Variants in HPSE2 observed in about 807,000 individuals in gnomAD.
The protein encoded by HPSE2 is inactive heparanase-2.
HPSE2 carries 38 observed loss-of-function variants against 60.5 expected under a neutral mutation model. That is an observed-to-expected ratio of 0.63 (90% CI 0.48 to 0.82). HPSE2 has a LOEUF of 0.82. HPSE2 is among the 40% of genes least tolerant of loss of function. HPSE2 has a pLI of 0.00. For missense variants in HPSE2, 713 were observed against 740.4 expected (o/e 0.96, Z 0.43); for synonymous variants, 295 against 293.2 (o/e 1.01, Z -0.06).
chr10:98,926,663 A>C (rs1198224628), intron 3 of HPSE2, among the ~76,000 whole-genome samples: 2 of 152,168 alleles, frequency 1.3e-5, no homozygotes, highest in East Asian at 3.9e-4. Context: ...GGCACCAATA[A>C]ATAAGCATGA....
rs369764256 is a variant in HPSE2 at position 98,484,521 on chromosome 10, G to C, written c.1467-1739C>G. Reference sequence around the variant, plus strand: ...CAAAGGGCTGGGATTACAGGCGTTAGACACCATGCCCGGACACCTTTGCCT... The same window carrying C: ...CAAAGGGCTGGGATTACAGGCGTTACACACCATGCCCGGACACCTTTGCCT... On this transcript the variant is annotated intron_variant, in intron 10 of 11. Coordinates refer to ENST00000370552, the MANE Select transcript of HPSE2 (RefSeq NM_021828.5). 5.1e-4 allele frequency among the ~76,000 whole-genome samples: 78 copies of C among 152,356 alleles called. 1 individual carries two copies. The South Asian group carries it at 0.015, about 30-fold the overall frequency.
At chr10:98,803,524 T>G (rs1388820732) in intron 3 of HPSE2, among the ~76,000 whole-genome samples, 2 of 152,122 alleles carry the variant, frequency 1.3e-5, no homozygotes, top group African/African-American at 4.8e-5. Context: ...GGATCCAGTT[T>G]CAGCTTTCTC....
rs66562418 is a variant in HPSE2, at chr10:99,086,346, C to CTTTTTTTTTTTTTTT, written c.610+57877_610+57891dup. 1.8e-4 allele frequency among the ~76,000 whole-genome samples: 15 copies of CTTTTTTTTTTTTTTT among 82,996 alleles called. 1 individual carries two copies. The highest frequency in any genetic ancestry group is 1.3e-3 in the East Asian group (3 of 2,320). The allele number at this position is 82,996 out of a possible 152,430, so 54.4% of individuals were successfully genotyped here. A position where few individuals can be genotyped will look rare whatever the true frequency, so the allele number is the denominator to read the frequency against. On this transcript the variant is annotated intron_variant, in intron 3 of 11. Coordinates refer to ENST00000370552, the MANE Select transcript of HPSE2 (RefSeq NM_021828.5). ...AGGTGGTAATACGGAAAAGTACTTT[C>CTTTTTTTTTTTTTTT]TTTTTTTTTTTTTTTTTTTTTTTTG... is the stretch of plus-strand genomic sequence containing the variant.
At chr10:98,953,646 T>C (rs1312470258) in intron 3 of HPSE2, among the ~76,000 whole-genome samples, 2 of 152,082 alleles carry the variant, frequency 1.3e-5, no homozygotes, top group Non-Finnish European at 2.9e-5. Flanking sequence ...TTGGGGAAGA[T>C]GGTTAAGACA....
chr10:98,806,454 T>TA (rs1423208511), intron 3 of HPSE2, among the ~76,000 whole-genome samples: 1 of 152,174 alleles, frequency 6.6e-6, no homozygotes, highest in Non-Finnish European at 1.5e-5. Context: ...GCACTGGACT[T>TA]AGAGTCAGCA....
intron 11 of HPSE2, among the ~76,000 whole-genome samples, chr10:98,462,091 T>A (rs17109925): frequency 2.0e-3 from 302 of 152,334 alleles, no homozygotes; most frequent in African/African-American, 6.8e-3. Flanking sequence ...ACCAAAGAAA[T>A]GAAATAAGAA....
chr10:99,305,979 G>GCGCACGCACA, the HPSE2 span, among the ~76,000 whole-genome samples: 2 of 80,586 alleles, frequency 2.5e-5, no homozygotes, highest in African/African-American at 1.1e-4. Flanking sequence ...GCGCGCGCGC[G>GCGCACGCACA]CACACACACA....
chr10:98,540,056 T>C (rs1440841630), intron 9 of HPSE2, among the ~76,000 whole-genome samples: 1 of 152,242 alleles, frequency 6.6e-6, no homozygotes, highest in East Asian at 1.9e-4. Flanking sequence ...TCTCAATTTC[T>C]GCACATAGAA....
At chr10:98,723,751 T>C (rs1184193488) in intron 4 of HPSE2, among the ~76,000 whole-genome samples, 1 of 152,214 alleles carries the variant, frequency 6.6e-6, no homozygotes, top group Non-Finnish European at 1.5e-5. Context: ...TTTATTTGCG[T>C]AGAGGTGTTT....
the HPSE2 span, among the ~76,000 whole-genome samples, chr10:99,260,556 C>T: frequency 1.3e-5 from 2 of 152,210 alleles, no homozygotes; most frequent in African/African-American, 2.4e-5. Flanking sequence ...CCCTGCCCTT[C>T]CAATTCCAGT....
chr10:99,105,759 G>C (rs1282839966), intron 3 of HPSE2, among the ~76,000 whole-genome samples: 1 of 151,666 alleles, frequency 6.6e-6, no homozygotes, highest in African/African-American at 2.4e-5. Context: ...GTTTTACCTG[G>C]TACATTATGT....
chr10:98,870,519 T>C (rs1334138993), intron 3 of HPSE2, among the ~76,000 whole-genome samples: 2 of 152,286 alleles, frequency 1.3e-5, no homozygotes, highest in East Asian at 1.9e-4. Flanking sequence ...GGAGACTGTA[T>C]CTACTGTGAA....
At chr10:98,984,604 C>T (rs10883239) in intron 3 of HPSE2, among the ~76,000 whole-genome samples, 72,553 of 152,060 alleles carry the variant, frequency 0.48, 19,381 homozygotes, top group East Asian at 0.62. Flanking sequence ...TACAAAGGAA[C>T]GCAGGTCCTC....
At chr10:98,776,434 T>A (rs1164206135) in intron 3 of HPSE2, among the ~76,000 whole-genome samples, 2 of 151,784 alleles carry the variant, frequency 1.3e-5, no homozygotes, top group Admixed American at 1.3e-4. Flanking sequence ...GCAACAAGAG[T>A]GAAACTCTGT....
At chr10:99,002,082 G>T (rs1222735741) in intron 3 of HPSE2, among the ~76,000 whole-genome samples, 2 of 152,070 alleles carry the variant, frequency 1.3e-5, no homozygotes, top group Non-Finnish European at 2.9e-5. Context: ...CTGCAATGAG[G>T]AGGTACGTCA....
intron 6 of HPSE2, among the ~76,000 whole-genome samples, chr10:98,682,638 C>G (rs757494875): frequency 2.0e-5 from 3 of 152,062 alleles, no homozygotes; most frequent in Non-Finnish European, 4.4e-5. Context: ...AGGAAAAGAT[C>G]AAAATTTGAA....
chr10:99,008,281 G>T (rs1290987641), intron 3 of HPSE2, among the ~76,000 whole-genome samples: 1 of 152,186 alleles, frequency 6.6e-6, no homozygotes, highest in Non-Finnish European at 1.5e-5. Context: ...CACTAGCAAG[G>T]ATAAAGCCTT....
At chr10:98,525,200 G>T (rs1490905215) in intron 9 of HPSE2, among the ~76,000 whole-genome samples, 1 of 152,108 alleles carries the variant, frequency 6.6e-6, no homozygotes, top group Non-Finnish European at 1.5e-5. Flanking sequence ...TAGTAGAGAC[G>T]GGGTTTCACT....
At chr10:99,186,258 T>C (rs935023227) in intron 2 of HPSE2, among the ~76,000 whole-genome samples, 1 of 151,816 alleles carries the variant, frequency 6.6e-6, no homozygotes, top group Admixed American at 6.6e-5. Flanking sequence ...AGAATAAGAA[T>C]TGCAGACCGG....
Sources: gnomAD v4.1 joint callset for allele counts (sites outside exome capture counted in the v4.1 genomes callset) on GRCh38, gnomAD v4.1.1 for gene constraint, MANE v1.5 for transcripts, NCBI Gene and HGNC (gene_info 2026-07-23, HGNC 2026-07-21) for gene names.